SV2B: variants seen among roughly 807,000 people sequenced by gnomAD.
SV2B encodes solute carrier family 22 member B2.
SV2B carries 41 observed loss-of-function variants against 73.9 expected under a neutral mutation model. The ratio of observed to expected loss-of-function variants is 0.56; its 90% confidence interval spans 0.43 to 0.72. The LOEUF is 0.72. Among genes scored for constraint, SV2B ranks in the 30% least tolerant of loss-of-function variants. The pLI, the probability that SV2B is intolerant of heterozygous loss-of-function variation, is 0.00. For synonymous variants in SV2B, 314 were observed against 314.2 expected (o/e 1.00, Z 0.01); for missense variants, 764 against 857.8 (o/e 0.89, Z 1.37).
chr15:91,268,723 G>C lies in SV2B; in HGVS notation c.1373+118G>C. The C allele has an allele frequency of 7.5e-7, 1 of 1,331,266 alleles. No homozygotes were observed. Among genetic ancestry groups the C allele is most frequent in the Non-Finnish European group, 1.0e-6 (1 of 984,796 alleles). 82.5% of individuals were successfully genotyped at this position (1,331,266 alleles called of 1,614,324 possible). On this transcript the variant is annotated intron_variant, in intron 9 of 12. Transcript: ENST00000394232. The surrounding 1 kb of genome is among the most constrained non-coding windows in gnomAD (Gnocchi z 4.4). ...ATGGCCGGGAATGAGCGCCAAGGCT[G>C]GTGTCATCATCACAACCTGTCATGG...
At chr15:91,113,879 T>C (rs1567262341) in intron 1 of SV2B, among the ~76,000 whole-genome samples, 2 of 152,084 alleles carry the variant, frequency 1.3e-5, no homozygotes, top group East Asian at 1.9e-4. Flanking sequence ...GAGATCATGT[T>C]TGTCAGTGCG....
chr15:91,180,296 A>G (rs1434191899), intron 1 of SV2B, among the ~76,000 whole-genome samples: 1 of 152,054 alleles, frequency 6.6e-6, no homozygotes, highest in Admixed American at 6.6e-5. Context: ...TTTGTGGGTA[A>G]CCTGACCTTT....
rs1394272455 is a variant in SV2B, at chr15:91,197,625, C to G, written c.-391-28248C>G. Among the ~76,000 whole-genome samples the G allele has an allele frequency of 6.6e-6, 1 of 152,050 alleles. No individual in the cohort carries two copies. The highest frequency in any genetic ancestry group is 2.4e-5 in the African/African-American group (1 of 41,390). On this transcript the variant is annotated intron_variant, in intron 1 of 12. Coordinates refer to ENST00000394232, the MANE Select transcript of SV2B (RefSeq NM_001323032.3). This position sits in a 1 kb window ranked among gnomAD's most constrained non-coding sequence, Gnocchi z 4.9. The stretch of plus-strand genomic sequence containing the variant: ...AATGGATAAGTAAGGAGAGTTATCC[C>G]TAGGAATACTATATAGCAGTTCAGC...
rs1035364401 is a variant in SV2B, at chr15:91,197,791, T to G, written c.-391-28082T>G. The stretch of plus-strand genomic sequence containing the variant: ...GCCCACGCCTGTAATCCCAGCACTT[T>G]GGGAGGCCGAGATGGGTGGATCACC... On this transcript the variant is annotated intron_variant, in intron 1 of 12. Coordinates refer to ENST00000394232, the MANE Select transcript of SV2B (RefSeq NM_001323032.3). The surrounding 1 kb of genome is among the most constrained non-coding windows in gnomAD (Gnocchi z 4.9). Among the ~76,000 whole-genome samples the G allele has an allele frequency of 6.6e-6, 1 of 152,060 alleles. No homozygotes were observed. Among genetic ancestry groups the G allele is most frequent in the African/African-American group, 2.4e-5 (1 of 41,418 alleles).
rs1294171918 is a variant in SV2B, at chr15:91,225,940, T to C, written c.-324T>C. 2.9e-6 allele frequency: 1 copy of C among 349,240 alleles called. No homozygotes were observed. The highest frequency in any genetic ancestry group is 7.8e-5 in the East Asian group (1 of 12,824). 21.6% of individuals were successfully genotyped at this position (349,240 alleles called of 1,614,324 possible). A position where few individuals can be genotyped will look rare whatever the true frequency, so the allele number is the denominator to read the frequency against. ...TCTGCCAAGTCCTGCTCGCTCCCTGTCAAGAAAAACAGCTGGATCCATTTC... is the reference window on the plus strand; with the variant it reads ...TCTGCCAAGTCCTGCTCGCTCCCTGCCAAGAAAAACAGCTGGATCCATTTC... On this transcript the variant is annotated 5_prime_UTR_variant, in exon 2 of 13. Coordinates refer to ENST00000394232, the MANE Select transcript of SV2B (RefSeq NM_001323032.3).
intron 9 of SV2B, among the ~76,000 whole-genome samples, chr15:91,278,448 C>T (rs971963736): frequency 1.5e-4 from 23 of 151,700 alleles, no homozygotes; most frequent in Non-Finnish European, 2.8e-4. Flanking sequence ...GAGGCCGAGG[C>T]GGGTGGATCA....
chr15:91,112,240 G>A (rs982894418), intron 1 of SV2B, among the ~76,000 whole-genome samples: 1 of 152,186 alleles, frequency 6.6e-6, no homozygotes, highest in Non-Finnish European at 1.5e-5. Context: ...GTCACCAGAT[G>A]TGCCAAGGAG....
rs1181236145 is a variant in SV2B, at chr15:91,136,951, A to T, written c.-392+36588A>T. ...ACCGGGATTTTGGCAGATGAAGGAA[A>T]AACTATCTGCTCCTGAATGAAAATT... On this transcript the variant is annotated intron_variant, in intron 1 of 12. Coordinates refer to ENST00000394232, the MANE Select transcript of SV2B (RefSeq NM_001323032.3). The surrounding 1 kb of genome is among the most constrained non-coding windows in gnomAD (Gnocchi z 5.6). Among the ~76,000 whole-genome samples the T allele has an allele frequency of 6.6e-6, 1 of 152,182 alleles. No homozygotes were observed. Among genetic ancestry groups the T allele is most frequent in the African/African-American group, 2.4e-5 (1 of 41,438 alleles).
chr15:91,279,633 A>G (rs2048619079), intron 9 of SV2B, among the ~76,000 whole-genome samples: 1 of 152,238 alleles, frequency 6.6e-6, no homozygotes, highest in Admixed American at 6.5e-5. Context: ...AGACATTTTA[A>G]GGGCTGCCTG....
intron 1 of SV2B, among the ~76,000 whole-genome samples, chr15:91,168,878 T>C (rs904860375): frequency 5.3e-5 from 8 of 152,246 alleles, no homozygotes; most frequent in Non-Finnish European, 7.3e-5. Context: ...AGGTACATTA[T>C]TGATAATATA....
At chr15:91,126,112 T>C (rs916119248) in intron 1 of SV2B, among the ~76,000 whole-genome samples, 1 of 152,170 alleles carries the variant, frequency 6.6e-6, no homozygotes, top group Admixed American at 6.5e-5. Flanking sequence ...TCTCAGAAGG[T>C]GATGTTGGCA....
intron 1 of SV2B, among the ~76,000 whole-genome samples, chr15:91,184,494 G>A (rs562004025): frequency 6.6e-5 from 10 of 152,242 alleles, no homozygotes; most frequent in South Asian, 4.1e-4. Context: ...TGGTTAATGC[G>A]CTCTAAAATA....
chr15:91,265,000 G>A (rs1256035710), intron 6 of SV2B, among the ~76,000 whole-genome samples: 1 of 152,168 alleles, frequency 6.6e-6, no homozygotes, highest in Non-Finnish European at 1.5e-5. Context: ...GTAAATGGCT[G>A]GATGGGCCAG....
At chr15:91,191,070 T>TTTTTTTTC (rs2045003508) in intron 1 of SV2B, among the ~76,000 whole-genome samples, 2 of 125,608 alleles carry the variant, frequency 1.6e-5, no homozygotes, top group African/African-American at 6.3e-5. Flanking sequence ...TTTCTTTTTT[T>TTTTTTTTC]TTTTTTTTTT....
chr15:91,219,057 C>T (rs73517605), intron 1 of SV2B, among the ~76,000 whole-genome samples: 44,877 of 152,000 alleles, frequency 0.3, 8,693 homozygotes, highest in African/African-American at 0.55. Context: ...AAGCCATCCT[C>T]CCTGCCTCAG....
chr15:91,260,108 C>G (rs930112867), intron 5 of SV2B, among the ~76,000 whole-genome samples: 1 of 152,156 alleles, frequency 6.6e-6, no homozygotes, highest in African/African-American at 2.4e-5. Flanking sequence ...GAAAGCACAA[C>G]CTTATTATCC....
At chr15:91,206,777 AT>A (rs1229650433) in intron 1 of SV2B, among the ~76,000 whole-genome samples, 6 of 152,182 alleles carry the variant, frequency 3.9e-5, no homozygotes, top group Admixed American at 3.9e-4. Flanking sequence ...ACTTGATTAT[AT>A]TATATGACAT....
At chr15:91,202,599 C>G (rs901713144) in intron 1 of SV2B, among the ~76,000 whole-genome samples, 2 of 152,192 alleles carry the variant, frequency 1.3e-5, no homozygotes, top group Non-Finnish European at 2.9e-5. Context: ...GTGGCTGGCA[C>G]ATGGTACCTG....
rs1209921994 is a variant in SV2B at position 91,214,230 on chromosome 15, C to A, written c.-391-11643C>A. Among the ~76,000 whole-genome samples the A allele has an allele frequency of 6.6e-6, 1 of 152,066 alleles. No individual in the cohort carries two copies. The highest frequency in any genetic ancestry group is 1.5e-5 in the Non-Finnish European group (1 of 68,022). ...ATGAGGATTCAGGGCAGGGTTCCAGCAGAGTGGAAGTGCTAAAAAACCAGA... is the reference window on the plus strand; with the variant it reads ...ATGAGGATTCAGGGCAGGGTTCCAGAAGAGTGGAAGTGCTAAAAAACCAGA... On this transcript the variant is annotated intron_variant, in intron 1 of 12. Coordinates refer to ENST00000394232, the MANE Select transcript of SV2B (RefSeq NM_001323032.3). This position sits in a 1 kb window ranked among gnomAD's most constrained non-coding sequence, Gnocchi z 4.7.
Sources: allele counts gnomAD v4.1 joint callset (sites outside exome capture counted in the v4.1 genomes callset), GRCh38; gene constraint gnomAD v4.1.1; non-coding constraint Gnocchi (gnomAD v3.1); transcripts MANE v1.5; gene names NCBI Gene and HGNC (gene_info 2026-07-23, HGNC 2026-07-21).